PCDHGB4: variants seen among roughly 807,000 people sequenced by gnomAD.
PCDHGB4 encodes protocadherin gamma subfamily B, 4.
Under a neutral mutation model 60.5 loss-of-function variants are expected in PCDHGB4, and 38 were observed. That is an observed-to-expected ratio of 0.63 (90% confidence interval 0.48 to 0.82). The LOEUF (loss-of-function observed/expected upper bound fraction) is 0.82, where lower values mean the gene tolerates loss of function less well. Among genes scored for constraint, PCDHGB4 ranks in the 40% least tolerant of loss-of-function variants. The pLI is 0.00. For missense variants in PCDHGB4, 1,109 were observed against 1,209.6 expected, an observed-to-expected ratio of 0.92 and a Z score of 1.23; for synonymous variants, 456 against 509.7, an observed-to-expected ratio of 0.89 and a Z score of 1.42.
Position 141,511,178 on chromosome 5 carries a change from G to A in PCDHGB4, c.*5G>A. The A allele has an allele frequency of 6.2e-7, 1 of 1,614,090 alleles. No homozygotes were observed. Among genetic ancestry groups the A allele is most frequent in the South Asian group, 1.1e-5 (1 of 91,074 alleles). On this transcript the variant is annotated 3_prime_UTR_variant, in exon 4 of 4. Coordinates refer to ENST00000519479, the MANE Select transcript of PCDHGB4 (RefSeq NM_003736.4). ...GGCAAGAAGGAGAAGAAGTAACATG[G>A]AGGCCAGGCCAAGAGCCACAGGGCG...
chr5:141,392,202 T>A (rs534571054), intron 1 of PCDHGB4: 1 of 152,352 alleles, frequency 6.6e-6, no homozygotes, highest in South Asian at 2.1e-4. Context: ...AGTCTCAAGA[T>A]AAATTCATTT....
At chr5:141,488,189 T>G (rs574621860) in intron 1 of PCDHGB4, among the ~76,000 whole-genome samples, 2 of 152,316 alleles carry the variant, frequency 1.3e-5, no homozygotes, top group Non-Finnish European at 2.9e-5. Context: ...TCTTTTGGTC[T>G]GGGTCTTAGG....
intron 1 of PCDHGB4, chr5:141,427,194 T>G (rs759512205): frequency 6.6e-6 from 3 of 456,512 alleles, no homozygotes; most frequent in Non-Finnish European, 1.3e-5. Context: ...ATCCAAAGAC[T>G]TAATAGACTT....
intron 1 of PCDHGB4, chr5:141,393,662 A>G (rs1442061423): frequency 6.2e-7 from 1 of 1,613,816 alleles, no homozygotes; most frequent in African/African-American, 1.3e-5. Context: ...AATTCCGGAA[A>G]ATTAATGAAA....
At chr5:141,407,135 G>T (rs2094890312) in intron 1 of PCDHGB4, among the ~76,000 whole-genome samples, 1 of 151,812 alleles carries the variant, frequency 6.6e-6, no homozygotes, top group African/African-American at 2.4e-5. Context: ...TTATTTTTAA[G>T]AAAAAAAAGC....
chr5:141,473,033 GGAAA>G (rs1282468299), intron 1 of PCDHGB4, among the ~76,000 whole-genome samples: 6 of 146,356 alleles, frequency 4.1e-5, no homozygotes, highest in South Asian at 2.2e-4. Flanking sequence ...AAGGAAGGAA[GGAAA>G]GAAAGAAAGA....
Position 141,489,510 on chromosome 5 carries a change from T to A in PCDHGB4, c.2398-5297T>A, listed in dbSNP as rs762210983. 1 of 1,614,124 alleles carries A rather than the reference T, an allele frequency of 6.2e-7. No individual in the cohort carries two copies. The highest frequency in any genetic ancestry group is 1.7e-5 in the Admixed American group (1 of 60,022). On this transcript the variant is annotated intron_variant, in intron 1 of 3. Transcript: ENST00000519479. This position sits in a 1 kb window ranked among gnomAD's most constrained non-coding sequence, Gnocchi z 4.5. Reference sequence around the variant, plus strand: ...GTGCCCTGGCAGTGAATCAAAAGATTGACCGAGAAAGCCTATGTGGAGCCA... The same window carrying A: ...GTGCCCTGGCAGTGAATCAAAAGATAGACCGAGAAAGCCTATGTGGAGCCA...
rs2091232719 is a variant in PCDHGB4 at position 141,388,084 on chromosome 5, G to A, written c.200G>A (p.Arg67His). 7.3e-7 allele frequency: 1 copy of A among 1,364,538 alleles called. No individual in the cohort carries two copies. Among genetic ancestry groups the A allele is most frequent in the Admixed American group, 2.0e-5 (1 of 48,796 alleles). 84.5% of individuals were successfully genotyped at this position (1,364,538 alleles called of 1,614,324 possible). The change falls in exon 1 of 4, where the codon CGC becomes CAC. Residue 67 changes from arginine to histidine, a missense_variant. Physicochemically the swap from Arg to His is conservative, Grantham distance 29 (BLOSUM62 0). Around this residue, in one of 2 missense-constraint regions of PCDHGB4, gnomAD observed 41 missense variants for 119.7 expected, o/e 0.34. Coordinates refer to ENST00000519479, the MANE Select transcript of PCDHGB4 (RefSeq NM_003736.4). ...CAGGAGTTACCGACTCGAAAACTGCGCGTCAGTTCGGAGAAGCCTTACTTC... is the reference window on the plus strand; with the variant it reads ...CAGGAGTTACCGACTCGAAAACTGCACGTCAGTTCGGAGAAGCCTTACTTC... ...SVQELPTRKL[R>H]VSSEKPYFTV...
chr5:141,421,402 G>A (rs2096569907), intron 1 of PCDHGB4: 1 of 1,614,076 alleles, frequency 6.2e-7, no homozygotes, highest in Non-Finnish European at 8.5e-7. Context: ...GGAGCCCCGG[G>A]AGCTGGCGAA....
Position 141,475,063 on chromosome 5 carries a change from C to T in PCDHGB4, c.2398-19744C>T, listed in dbSNP as rs552623067. Among the ~76,000 whole-genome samples the T allele has an allele frequency of 1.1e-4, 16 of 152,320 alleles. No individual in the cohort carries two copies. The South Asian group carries it at 2.9e-3, about 28-fold the overall frequency. The stretch of plus-strand genomic sequence containing the variant: ...TTGTATTTTCTAAAGATTTGTGGAG[C>T]TTTGCTGCCATTATTTCAATAATTT... On this transcript the variant is annotated intron_variant, in intron 1 of 3. Coordinates refer to ENST00000519479, the MANE Select transcript of PCDHGB4 (RefSeq NM_003736.4).
At chr5:141,445,558 G>A (rs1172697298) in intron 1 of PCDHGB4, among the ~76,000 whole-genome samples, 1 of 152,172 alleles carries the variant, frequency 6.6e-6, no homozygotes, top group Non-Finnish European at 1.5e-5. Flanking sequence ...AAAGCACTAA[G>A]AGAAAGCTTA....
chr5:141,403,969 T>G (rs1437416293), intron 1 of PCDHGB4: 1 of 1,613,690 alleles, frequency 6.2e-7, no homozygotes, highest in African/African-American at 1.3e-5. Context: ...CGGTGGAAGA[T>G]GTAAATGACA....
chr5:141,393,927 C>T, intron 1 of PCDHGB4: 2 of 1,613,970 alleles, frequency 1.2e-6, no homozygotes, highest in South Asian at 1.1e-5. Context: ...CTTGAGTGTG[C>T]ATGACCAAGA....
intron 1 of PCDHGB4, chr5:141,398,825 C>A (rs747230922): frequency 6.2e-7 from 1 of 1,613,994 alleles, no homozygotes; most frequent in South Asian, 1.1e-5. Flanking sequence ...ATCCAGGTAA[C>A]CGACGCCAAT....
In PCDHGB4 at chr5:141,485,313, A is replaced by G. The variant is rs758628263; in HGVS notation, c.2398-9494A>G. On this transcript the variant is annotated intron_variant, in intron 1 of 3. Transcript: ENST00000519479. The surrounding 1 kb of genome is among the most constrained non-coding windows in gnomAD (Gnocchi z 5.7). Reference sequence around the variant, plus strand: ...TCACAGGAAGGGACTTTTGTAGGGAATGTCGCTCAAGATTTCCTGCTGGAT... The same window carrying G: ...TCACAGGAAGGGACTTTTGTAGGGAGTGTCGCTCAAGATTTCCTGCTGGAT... 1.2e-6 allele frequency: 2 copies of G among 1,614,186 alleles called. No individual in the cohort carries two copies. Among genetic ancestry groups the G allele is most frequent in the African/African-American group, 1.3e-5 (1 of 75,054 alleles).
intron 1 of PCDHGB4, among the ~76,000 whole-genome samples, chr5:141,462,086 A>C (rs993185274): frequency 6.6e-6 from 1 of 151,410 alleles, no homozygotes; most frequent in Non-Finnish European, 1.5e-5. Flanking sequence ...GCCTCCCAAA[A>C]TGCTGGGATT....
At chr5:141,456,700 C>T (rs1420857227) in intron 1 of PCDHGB4, among the ~76,000 whole-genome samples, 1 of 152,060 alleles carries the variant, frequency 6.6e-6, no homozygotes, top group Admixed American at 6.6e-5. Flanking sequence ...CGTGGTGGCT[C>T]GCGCCTGTAA....
intron 1 of PCDHGB4, among the ~76,000 whole-genome samples, chr5:141,469,484 A>AGAATCGCT (rs1279677032): frequency 6.6e-6 from 1 of 152,074 alleles, no homozygotes; most frequent in African/African-American, 2.4e-5. Flanking sequence ...CTGAGGCAGG[A>AGAATCGCT]GAATCGCTTG....
chr5:141,478,617 G>A (rs1010415342), intron 1 of PCDHGB4: 1 of 1,556,398 alleles, frequency 6.4e-7, no homozygotes, highest in Non-Finnish European at 8.7e-7. Context: ...AGGAAGGAAT[G>A]GAGCTGTTTT....
Sources: gnomAD v4.1 joint callset for allele counts (sites outside exome capture counted in the v4.1 genomes callset) on GRCh38, gnomAD v4.1.1 for gene constraint, gnomAD v4.1.1 regional missense constraint, Gnocchi (gnomAD v3.1) non-coding constraint, MANE v1.5 for transcripts, NCBI Gene and HGNC (gene_info 2026-07-23, HGNC 2026-07-21) for gene names.